Variants in NDST3 observed in about 807,000 individuals in gnomAD.
NDST3 encodes N-deacetylase and N-sulfotransferase 3.
NDST3 carries 58 observed loss-of-function variants against 96.1 expected under a neutral mutation model. The observed-to-expected ratio is 0.60, with a 90% CI of 0.49 to 0.75. NDST3 has a LOEUF of 0.75. Among genes scored for constraint, NDST3 ranks in the 30% least tolerant of loss-of-function variants. The pLI is 0.00. For synonymous variants in NDST3, 333 were observed against 359.7 expected (o/e 0.93, Z 0.84); for missense variants, 788 against 1,034.2 (o/e 0.76, Z 3.27).
intron 3 of NDST3, among the ~76,000 whole-genome samples, chr4:118,108,243 C>T (rs754641582): frequency 1.7e-4 from 26 of 152,142 alleles, no homozygotes; most frequent in Non-Finnish European, 2.9e-4. Context: ...AGAGCCAAAC[C>T]ATCTCAGTGA....
chr4:118,250,766 C>A (rs530000216), intron 12 of NDST3, among the ~76,000 whole-genome samples: 1 of 152,214 alleles, frequency 6.6e-6, no homozygotes, highest in South Asian at 2.1e-4. Flanking sequence ...TTATAGGCGT[C>A]AGCCATTGCA....
intron 6 of NDST3, among the ~76,000 whole-genome samples, chr4:118,181,294 C>T (rs1736592560): frequency 6.6e-6 from 1 of 151,900 alleles, no homozygotes; most frequent in South Asian, 2.1e-4. Flanking sequence ...AGAAGAGAAA[C>T]GTATCAAGAA....
At chr4:118,034,976 T>C (rs762922695) in intron 1 of NDST3, among the ~76,000 whole-genome samples, 1 of 152,216 alleles carries the variant, frequency 6.6e-6, no homozygotes, top group Non-Finnish European at 1.5e-5. Context: ...TACACAGTAA[T>C]GATCCTCAAA....
At chr4:118,127,542 T>C (rs1732213470) in intron 4 of NDST3, among the ~76,000 whole-genome samples, 1 of 152,112 alleles carries the variant, frequency 6.6e-6, no homozygotes, top group Non-Finnish European at 1.5e-5. Flanking sequence ...TTCTATTCCA[T>C]TGGTCTATGT....
intron 2 of NDST3, among the ~76,000 whole-genome samples, chr4:118,077,240 C>A (rs1727623008): frequency 6.6e-6 from 1 of 152,130 alleles, no homozygotes; most frequent in African/African-American, 2.4e-5. Flanking sequence ...GGGGCAATGG[C>A]AACAGGATCC....
intron 6 of NDST3, among the ~76,000 whole-genome samples, chr4:118,165,719 C>A (rs927763664): frequency 6.6e-6 from 1 of 151,816 alleles, no homozygotes; most frequent in Admixed American, 6.6e-5. Context: ...AGTATCAATT[C>A]CTACCACAGG....
intron 8 of NDST3, among the ~76,000 whole-genome samples, chr4:118,232,679 A>AGAAGG: frequency 7.0e-6 from 1 of 142,988 alleles, no homozygotes; most frequent in Non-Finnish European, 1.6e-5. Context: ...GAAAGAAAAG[A>AGAAGG]AAAGGAAAGA....
At chr4:118,053,388 G>A (rs1185486327) in intron 1 of NDST3, among the ~76,000 whole-genome samples, 2 of 152,074 alleles carry the variant, frequency 1.3e-5, no homozygotes, top group Non-Finnish European at 2.9e-5. Context: ...CAAACAGCTT[G>A]AGTATGTATT....
In NDST3 at chr4:118,138,210, C is replaced by T. The variant is rs149894200; in HGVS notation, c.1381C>T (p.Arg461Trp). Reference sequence around the variant, plus strand: ...TCCACATCTGAAGCCAGCTAGATACCGGAGGGGTTTTATCCACAAAAACAT... The same window carrying T: ...TCCACATCTGAAGCCAGCTAGATACTGGAGGGGTTTTATCCACAAAAACAT... ...EYPHLKPARY[R>W]RGFIHKNIMV... Residue 461 changes from arginine to tryptophan, a missense_variant, in exon 5 of 14, where the codon CGG (arginine) becomes TGG (tryptophan). Transcript: ENST00000296499. The T allele has an allele frequency of 3.2e-5, 52 of 1,613,592 alleles. No homozygotes were observed. The highest frequency in any genetic ancestry group is 4.2e-5 in the Non-Finnish European group (49 of 1,179,830).
At chr4:118,088,022 T>C (rs1175542764) in intron 2 of NDST3, among the ~76,000 whole-genome samples, 1 of 152,120 alleles carries the variant, frequency 6.6e-6, no homozygotes, top group East Asian at 1.9e-4. Context: ...TTGGTTTCAA[T>C]TTCCACCTTT....
intron 9 of NDST3, among the ~76,000 whole-genome samples, 198 bp from the exon 10 acceptor site, chr4:118,236,848 G>A (rs1198102945): frequency 6.6e-6 from 1 of 152,130 alleles, no homozygotes; most frequent in Admixed American, 6.6e-5. Context: ...TAAAGAAAAT[G>A]TACTTAGAAA....
intron 6 of NDST3, among the ~76,000 whole-genome samples, chr4:118,217,376 G>A (rs1340251751): frequency 1.3e-5 from 2 of 152,044 alleles, no homozygotes; most frequent in Non-Finnish European, 2.9e-5. Context: ...GCACTTATGA[G>A]AGGGCCCGAG....
At chr4:118,203,638 C>T (rs536193524) in intron 6 of NDST3, among the ~76,000 whole-genome samples, 1 of 152,152 alleles carries the variant, frequency 6.6e-6, no homozygotes, top group Admixed American at 6.5e-5. Context: ...TCTTCAAGTG[C>T]AGTGTTGTTT....
chr4:118,244,724 A>C (rs1242344716), intron 12 of NDST3, among the ~76,000 whole-genome samples: 1 of 152,164 alleles, frequency 6.6e-6, no homozygotes. Context: ...ACTATTTTCA[A>C]GAAGAATCAC....
chr4:118,175,414 T>A (rs1221555383), intron 6 of NDST3, among the ~76,000 whole-genome samples: 1 of 149,126 alleles, frequency 6.7e-6, no homozygotes, highest in African/African-American at 2.5e-5. Flanking sequence ...ATCAGATTAA[T>A]ATCATATATT....
At chr4:118,066,221 ATAT>A (rs1280921032) in intron 2 of NDST3, among the ~76,000 whole-genome samples, 19 of 67,704 alleles carry the variant, frequency 2.8e-4, no homozygotes, top group African/African-American at 1.0e-3. Flanking sequence ...TATACATAAT[ATAT>A]TATATATATT....
intron 2 of NDST3, among the ~76,000 whole-genome samples, chr4:118,095,230 G>C (rs555947992): frequency 4.6e-5 from 7 of 151,826 alleles, no homozygotes; most frequent in African/African-American, 1.7e-4. Context: ...AAACCTTGAG[G>C]TGTGAACAAA....
intron 6 of NDST3, among the ~76,000 whole-genome samples, chr4:118,214,682 G>A (rs1000720830): frequency 6.6e-6 from 1 of 152,116 alleles, no homozygotes; most frequent in Non-Finnish European, 1.5e-5. Context: ...AAGATTCAAT[G>A]AAAGATTAAA....
intron 6 of NDST3, among the ~76,000 whole-genome samples, 178 bp from the exon 7 acceptor site, chr4:118,224,313 C>A (rs115285530): frequency 6.6e-6 from 1 of 152,038 alleles, no homozygotes; most frequent in African/African-American, 2.4e-5. Context: ...ATAACACATC[C>A]TCCAGTATGT....
Sources: allele counts gnomAD v4.1 joint callset (sites outside exome capture counted in the v4.1 genomes callset), GRCh38; gene constraint gnomAD v4.1.1; transcripts MANE v1.5; gene names NCBI Gene and HGNC (gene_info 2026-07-23, HGNC 2026-07-21).